CD96: variants seen among roughly 807,000 people sequenced by gnomAD.
CD96 encodes T-cell surface protein tactile.
In CD96, 70 loss-of-function variants were observed where a neutral mutation model predicts 71.3. That is an observed-to-expected ratio of 0.98 (90% CI 0.81 to 1.20). CD96 has a LOEUF of 1.20. Ranked by LOEUF, CD96 falls within the 50% of genes most tolerant of loss-of-function variation. The probability of loss-of-function intolerance (pLI) is 0.00; values close to 1 mark genes in which losing one functional copy is unlikely to be tolerated. For synonymous variants in CD96, 248 were observed against 233.0 expected (o/e 1.06, Z -0.59); for missense variants, 742 against 677.5 (o/e 1.10, Z -1.06).
At chr3:111,593,983 G>A in intron 5 of CD96, 1 of 1,614,172 alleles carries the variant, frequency 6.2e-7, no homozygotes, top group South Asian at 1.1e-5. Flanking sequence ...TGGCATACTG[G>A]TTGGGATGGT....
At position 111,650,141 on chromosome 3, in the gene CD96, A is replaced by AT; in HGVS notation, c.*335_*336insT. The AT allele has an allele frequency of 2.9e-6, 1 of 341,584 alleles. No homozygotes were observed. The highest frequency in any genetic ancestry group is 5.7e-6 in the Non-Finnish European group (1 of 174,908). 21.2% of individuals were successfully genotyped at this position (341,584 alleles called of 1,614,324 possible). A position where few individuals can be genotyped will look rare whatever the true frequency, so the allele number is the denominator to read the frequency against. On this transcript the variant is annotated 3_prime_UTR_variant, in exon 14 of 14. Transcript: ENST00000352690. ...CTGATGGAGGGACAACAATGGTTTC[A>AT]ACTGTATGCCCATGCCTGATCCTCT... is the stretch of plus-strand genomic sequence containing the variant.
chr3:111,552,409 C>G (rs1023206693), intron 2 of CD96, among the ~76,000 whole-genome samples: 6 of 152,122 alleles, frequency 3.9e-5, no homozygotes, highest in African/African-American at 1.4e-4. Context: ...GACACCAAAC[C>G]TGCCGATGTT....
chr3:111,625,876 A>G (rs1387663523), intron 10 of CD96, among the ~76,000 whole-genome samples: 1 of 152,258 alleles, frequency 6.6e-6, no homozygotes, highest in African/African-American at 2.4e-5. Context: ...TCAGGAATAT[A>G]TAATTGACTA....
intron 3 of CD96, chr3:111,577,611 C>T: frequency 2.9e-6 from 3 of 1,026,044 alleles, no homozygotes; most frequent in Non-Finnish European, 4.7e-6. Context: ...GGCAATAACA[C>T]AATACTATCT....
chr3:111,617,373 A>G (rs1446137818), intron 8 of CD96, among the ~76,000 whole-genome samples: 1 of 152,192 alleles, frequency 6.6e-6, no homozygotes, highest in Admixed American at 6.5e-5. Context: ...CACTGGGCCA[A>G]TTGGATAGTG....
chr3:111,548,829 T>C (rs1934548759), intron 2 of CD96, among the ~76,000 whole-genome samples: 1 of 152,168 alleles, frequency 6.6e-6, no homozygotes, highest in South Asian at 2.1e-4. Context: ...CTAGTTTGTA[T>C]TGAGCCTGAA....
chr3:111,652,942 T>G (rs1398928052), downstream of CD96, among the ~76,000 whole-genome samples: 3 of 152,144 alleles, frequency 2.0e-5, no homozygotes, highest in East Asian at 5.8e-4. Flanking sequence ...AAGTTTCATT[T>G]TCACTGAGAA....
In CD96 at chr3:111,605,976, C is replaced by CA. The variant is rs568744071; in HGVS notation, c.1088-722dup. On this transcript the variant is annotated intron_variant, in intron 7 of 13. Coordinates refer to ENST00000352690, the MANE Select transcript of CD96 (RefSeq NM_005816.5). ...CATTTAACCCACATGTTCCTAAAGT[C>CA]AATAGAGCCTTCTGGCATTTGTAAA... Among the ~76,000 whole-genome samples, 193 of 152,284 alleles carry CA rather than the reference C, an allele frequency of 1.3e-3. 3 individuals carry two copies. The Middle Eastern group carries it at 0.02, about 16-fold the overall frequency.
At chr3:111,573,028 A>C (rs779366671) in intron 3 of CD96, among the ~76,000 whole-genome samples, 2 of 152,234 alleles carry the variant, frequency 1.3e-5, no homozygotes, top group Non-Finnish European at 2.9e-5. Context: ...ACAAAGGGTT[A>C]ACTCTCTAAT....
Position 111,542,294 on chromosome 3 carries a change from A to T in CD96, c.46A>T (p.Ile16Leu), listed in dbSNP as rs762726257. The stretch of plus-strand genomic sequence containing the variant: ...CTGTGCTGTCTATTACATCATCCAG[A>T]TACATTTTGTCAAGGGTAAGACTTC... ...KYCAVYYIIQ[I>L]HFVKGVWEKT... The change falls in exon 1 of 14, where the codon ATA becomes TTA. Residue 16 changes from isoleucine (I) to leucine (L), a missense_variant. Ile to Leu is a conservative substitution (Grantham distance 5). Transcript: ENST00000352690. 1 of 1,613,864 alleles carries T rather than the reference A, an allele frequency of 6.2e-7. No individual in the cohort carries two copies. Among genetic ancestry groups the T allele is most frequent in the Non-Finnish European group, 8.5e-7 (1 of 1,179,728 alleles).
intron 14 of CD96, among the ~76,000 whole-genome samples, chr3:111,662,722 T>A (rs1433439599): frequency 6.6e-6 from 1 of 152,214 alleles, no homozygotes; most frequent in East Asian, 1.9e-4. Context: ...AAGTTCCACA[T>A]CTCCATCTGA....
intron 2 of CD96, among the ~76,000 whole-genome samples, chr3:111,556,101 A>G (rs1935009270): frequency 1.3e-5 from 2 of 152,302 alleles, no homozygotes; most frequent in Non-Finnish European, 2.9e-5. Flanking sequence ...TCTAAAATAT[A>G]CATTTGCTTC....
At chr3:111,663,705 A>G (rs1273816412) in intron 14 of CD96, among the ~76,000 whole-genome samples, 1 of 152,170 alleles carries the variant, frequency 6.6e-6, no homozygotes, top group Non-Finnish European at 1.5e-5. Context: ...TTAAAAAGTC[A>G]AAAAACAGAT....
intron 10 of CD96, among the ~76,000 whole-genome samples, chr3:111,636,867 C>G (rs952355700): frequency 6.6e-6 from 1 of 152,056 alleles, no homozygotes; most frequent in African/African-American, 2.4e-5. Context: ...GACCTTCATT[C>G]TCTTCCATTT....
intron 3 of CD96, among the ~76,000 whole-genome samples, chr3:111,568,144 T>C (rs928054535): frequency 4.6e-5 from 7 of 152,260 alleles, no homozygotes; most frequent in Admixed American, 2.0e-4. Flanking sequence ...GAGCAGGCCT[T>C]GTATAAGAAA....
chr3:111,649,994 A>T lies in CD96; in HGVS notation c.*188A>T. 3.2e-6 allele frequency: 2 copies of T among 632,928 alleles called. No individual in the cohort carries two copies. The highest frequency in any genetic ancestry group is 5.7e-5 in the East Asian group (2 of 35,156). The allele number at this position is 632,928 out of a possible 1,614,324, so 39.2% of individuals were successfully genotyped here. ...TCTCCAAACGCCTGAAGCTTAACCA[A>T]GAGTGAGAGGATATGTCATGTTCAC... On this transcript the variant is annotated 3_prime_UTR_variant, in exon 14 of 14. Transcript: ENST00000352690.
chr3:111,622,633 G>T (rs188399175), intron 8 of CD96, among the ~76,000 whole-genome samples: 2 of 152,202 alleles, frequency 1.3e-5, no homozygotes, highest in African/African-American at 4.8e-5. Context: ...AAAGCTGGCT[G>T]CCATTCACTA....
intron 4 of CD96, among the ~76,000 whole-genome samples, chr3:111,582,587 G>T (rs918025145): frequency 1.3e-5 from 2 of 152,096 alleles, no homozygotes; most frequent in Non-Finnish European, 2.9e-5. Flanking sequence ...TTTTCATGCT[G>T]CTGATAAAGA....
chr3:111,554,867 G>A (rs1320679468), intron 2 of CD96, among the ~76,000 whole-genome samples: 1 of 151,832 alleles, frequency 6.6e-6, no homozygotes, highest in East Asian at 1.9e-4. Context: ...TTGTCTTCCT[G>A]CAACTAGATG....
Sources: allele counts gnomAD v4.1 joint callset (sites outside exome capture counted in the v4.1 genomes callset), GRCh38; gene constraint gnomAD v4.1.1; transcripts MANE v1.5; gene names NCBI Gene and HGNC (gene_info 2026-07-23, HGNC 2026-07-21).